SGCZ: variants seen among roughly 807,000 people sequenced by gnomAD.
SGCZ encodes the protein sarcoglycan zeta.
SGCZ carries 40 observed loss-of-function variants against 41.3 expected under a neutral mutation model. The observed-to-expected ratio is 0.97, with a 90% CI of 0.75 to 1.26. The LOEUF (loss-of-function observed/expected upper bound fraction) is 1.26. Among genes scored for constraint, SGCZ ranks in the 50% most tolerant of loss-of-function variants. The pLI is 0.00. For synonymous variants in SGCZ, 206 were observed against 137.5 expected, an observed-to-expected ratio of 1.50 and a Z score of -3.49; for missense variants, 552 against 369.8, an observed-to-expected ratio of 1.49 and a Z score of -4.04.
chr8:14,892,727 C>T (rs1805060227), intron 1 of SGCZ, among the ~76,000 whole-genome samples: 1 of 152,120 alleles, frequency 6.6e-6, no homozygotes, highest in African/African-American at 2.4e-5. Flanking sequence ...AGTATAATAG[C>T]AAATTAGGAA....
intron 1 of SGCZ, among the ~76,000 whole-genome samples, chr8:15,155,264 C>T (rs938615793): frequency 3.9e-5 from 6 of 152,096 alleles, no homozygotes; most frequent in African/African-American, 9.7e-5. Flanking sequence ...CATTGCACTC[C>T]AGCCTGGGTG....
intron 1 of SGCZ, among the ~76,000 whole-genome samples, chr8:14,761,354 C>G (rs183751668): frequency 2.1e-4 from 32 of 151,896 alleles, no homozygotes; most frequent in Non-Finnish European, 4.0e-4. Context: ...AAGGATACTA[C>G]AATATTTACT....
At chr8:15,155,234 G>A (rs1234706235) in intron 1 of SGCZ, among the ~76,000 whole-genome samples, 2 of 152,152 alleles carry the variant, frequency 1.3e-5, no homozygotes, top group Non-Finnish European at 2.9e-5. Context: ...GGCAGAGGTT[G>A]CAGTGAGCTG....
At chr8:15,019,205 T>A (rs1439973888) in intron 1 of SGCZ, among the ~76,000 whole-genome samples, 1 of 152,190 alleles carries the variant, frequency 6.6e-6, no homozygotes, top group East Asian at 1.9e-4. Context: ...TGGACTGGAC[T>A]GAGAATGACT....
At chr8:14,490,405 C>T (rs1390007548) in intron 2 of SGCZ, among the ~76,000 whole-genome samples, 2 of 151,926 alleles carry the variant, frequency 1.3e-5, no homozygotes, top group Non-Finnish European at 2.9e-5. Flanking sequence ...TCTTTGAATC[C>T]CATTTTCTGC....
chr8:14,641,797 C>T (rs1378782687), intron 1 of SGCZ, among the ~76,000 whole-genome samples: 1 of 151,532 alleles, frequency 6.6e-6, no homozygotes, highest in African/African-American at 2.4e-5. Context: ...AGTTTCTTTC[C>T]CATTCTTATA....
chr8:14,942,808 T>G (rs1563379919), intron 1 of SGCZ, among the ~76,000 whole-genome samples: 1 of 152,180 alleles, frequency 6.6e-6, no homozygotes. Context: ...TACTGATTGA[T>G]TAGGCATTTA....
chr8:14,884,047 A>G (rs1411539536), intron 1 of SGCZ, among the ~76,000 whole-genome samples: 3 of 152,058 alleles, frequency 2.0e-5, no homozygotes, highest in Non-Finnish European at 2.9e-5. Flanking sequence ...TCATCCTTAA[A>G]TTTCACATGT....
At chr8:14,487,159 C>A (rs78306142) in intron 2 of SGCZ, among the ~76,000 whole-genome samples, 2 of 152,060 alleles carry the variant, frequency 1.3e-5, no homozygotes, top group African/African-American at 4.8e-5. Context: ...TCTCTCTTTC[C>A]TTAGCTGTAT....
At chr8:14,290,961 T>C (rs1459261999) in intron 3 of SGCZ, among the ~76,000 whole-genome samples, 1 of 152,100 alleles carries the variant, frequency 6.6e-6, no homozygotes, top group Non-Finnish European at 1.5e-5. Flanking sequence ...AGTGGATGAA[T>C]GGATAAAGAA....
At chr8:14,868,609 C>A (rs1054213954) in intron 1 of SGCZ, among the ~76,000 whole-genome samples, 1 of 151,968 alleles carries the variant, frequency 6.6e-6, no homozygotes, top group Non-Finnish European at 1.5e-5. Flanking sequence ...TTACATGTAC[C>A]AGTTTAAGCC....
At chr8:14,158,288 C>T (rs1466535929) in intron 5 of SGCZ, among the ~76,000 whole-genome samples, 8 of 152,104 alleles carry the variant, frequency 5.3e-5, no homozygotes, top group Non-Finnish European at 1.0e-4. Flanking sequence ...TTCTACACAG[C>T]AAAAGAGATT....
chr8:14,398,585 T>G (rs1206753609), intron 2 of SGCZ, among the ~76,000 whole-genome samples: 1 of 152,166 alleles, frequency 6.6e-6, no homozygotes, highest in Admixed American at 6.6e-5. Flanking sequence ...ACTTCCAAGT[T>G]GCCTTGGGGA....
intron 1 of SGCZ, among the ~76,000 whole-genome samples, chr8:14,947,164 TTGTC>T (rs1459801664): frequency 6.6e-6 from 1 of 152,148 alleles, no homozygotes; most frequent in Admixed American, 6.5e-5. Flanking sequence ...GATAGTGTGA[TTGTC>T]TGGGGAAGGA....
intron 1 of SGCZ, among the ~76,000 whole-genome samples, chr8:15,013,559 A>G (rs1802914295): frequency 1.3e-5 from 2 of 151,808 alleles, no homozygotes; most frequent in African/African-American, 4.8e-5. Flanking sequence ...TTCCTCCTCT[A>G]TAGGTATCTA....
chr8:15,069,066 G>A (rs1002149735), intron 1 of SGCZ, among the ~76,000 whole-genome samples: 3 of 152,128 alleles, frequency 2.0e-5, no homozygotes, highest in Non-Finnish European at 2.9e-5. Context: ...GCTGACAGAC[G>A]GCACCAATAT....
intron 1 of SGCZ, among the ~76,000 whole-genome samples, chr8:14,803,473 C>T (rs149274956): frequency 0.075 from 11,375 of 152,170 alleles, 435 homozygotes; most frequent in Middle Eastern, 0.12. Context: ...TGACAGACGG[C>T]ACCTGGAAAA....
At chr8:14,371,865 T>C (rs1228534955) in intron 2 of SGCZ, among the ~76,000 whole-genome samples, 1 of 152,110 alleles carries the variant, frequency 6.6e-6, no homozygotes, top group African/African-American at 2.4e-5. Flanking sequence ...GAGCTAAATT[T>C]ATAGAATAAT....
At chr8:14,995,103 C>T (rs1186288096) in intron 1 of SGCZ, among the ~76,000 whole-genome samples, 1 of 152,218 alleles carries the variant, frequency 6.6e-6, no homozygotes, top group Non-Finnish European at 1.5e-5. Flanking sequence ...GAAATGCTTG[C>T]AGAAGTCAAT....
Sources: allele counts gnomAD v4.1 joint callset (sites outside exome capture counted in the v4.1 genomes callset), GRCh38; gene constraint gnomAD v4.1.1; transcripts MANE v1.5; gene names NCBI Gene and HGNC (gene_info 2026-07-23, HGNC 2026-07-21).